The following DHX35 variants were observed in gnomAD, a reference collection of about 807,000 sequenced individuals.
DHX35 encodes the protein probable ATP-dependent RNA helicase DHX35.
DHX35 carries 84 observed loss-of-function variants against 99.6 expected under a neutral mutation model. That is an observed-to-expected ratio of 0.84 (90% CI 0.71 to 1.01). DHX35 has a LOEUF of 1.01. DHX35 is among the 50% of genes least tolerant of loss of function. DHX35 has a pLI of 0.00. For missense variants in DHX35, 852 were observed against 888.5 expected, an observed-to-expected ratio of 0.96 and a Z score of 0.52; for synonymous variants, 331 against 316.2, an observed-to-expected ratio of 1.05 and a Z score of -0.50.
chr20:38,981,970 A>G (rs1373553654), intron 3 of DHX35, among the ~76,000 whole-genome samples: 1 of 150,974 alleles, frequency 6.6e-6, no homozygotes, highest in Non-Finnish European at 1.5e-5. Flanking sequence ...AAAAGAAATC[A>G]TGATCCGGAT....
intron 14 of DHX35, among the ~76,000 whole-genome samples, chr20:39,016,531 CCATT>C (rs2086788115): frequency 6.6e-6 from 1 of 152,128 alleles, no homozygotes; most frequent in Non-Finnish European, 1.5e-5. Context: ...TATTTTTTAT[CCATT>C]CATTAGTTGA....
intron 20 of DHX35, among the ~76,000 whole-genome samples, chr20:39,032,689 C>T (rs958846006): frequency 2.0e-5 from 3 of 152,150 alleles, no homozygotes; most frequent in African/African-American, 4.8e-5. Context: ...GAAACTTGTA[C>T]GAAATGCAGC....
chr20:39,004,259 G>A (rs1332589599), intron 11 of DHX35, among the ~76,000 whole-genome samples: 2 of 152,160 alleles, frequency 1.3e-5, no homozygotes, highest in South Asian at 2.1e-4. Context: ...TAGAGACGGG[G>A]TTTCACTAAG....
chr20:39,006,545 A>T (rs1270927799), intron 12 of DHX35, among the ~76,000 whole-genome samples, 189 bp downstream of exon 12: 1 of 152,136 alleles, frequency 6.6e-6, no homozygotes, highest in Admixed American at 6.5e-5. Context: ...ACTAGTCCCC[A>T]TTGGCCAAAG....
Position 39,010,388 on chromosome 20 carries a change from G to T in DHX35, c.1331G>T (p.Arg444Met), listed in dbSNP as rs1469815572. 4 of 1,614,040 alleles carry T rather than the reference G, an allele frequency of 2.5e-6. No individual in the cohort carries two copies. Among genetic ancestry groups the T allele is most frequent in the Non-Finnish European group, 3.4e-6 (4 of 1,180,012 alleles). Reference sequence around the variant, plus strand: ...GCACTAGGAATTGACAATGTCCTCAGGTTCCACTTCATGTCGGTAAGTCCT... The same window carrying T: ...GCACTAGGAATTGACAATGTCCTCATGTTCCACTTCATGTCGGTAAGTCCT... Reference protein sequence around the residue: ...LKALGIDNVLRFHFMSPPPAQ... With the variant: ...LKALGIDNVLMFHFMSPPPAQ... Residue 444 changes from arginine (R) to methionine (M), a missense_variant, in exon 13 of 22, where the codon AGG (arginine) becomes ATG (methionine). Transcript: ENST00000252011.
At chr20:39,028,545 C>G in intron 19 of DHX35, 46 bp downstream of exon 19, 1 of 1,579,866 alleles carries the variant, frequency 6.3e-7, no homozygotes, top group Non-Finnish European at 8.7e-7. Context: ...AACAATCTTA[C>G]AAATGACCCA....
At chr20:38,966,690 A>C (rs1160039192) in intron 1 of DHX35, among the ~76,000 whole-genome samples, 4 of 152,186 alleles carry the variant, frequency 2.6e-5, no homozygotes, top group Non-Finnish European at 5.9e-5. Context: ...ATAATAGAAG[A>C]GATAGATTGG....
At chr20:38,986,646 A>G (rs866932266) in intron 4 of DHX35, among the ~76,000 whole-genome samples, 4 of 152,174 alleles carry the variant, frequency 2.6e-5, no homozygotes, top group Admixed American at 6.5e-5. Context: ...ATATTCTGAG[A>G]TTTATAATAT....
chr20:38,978,217 C>A, intron 3 of DHX35: 1 of 1,027,394 alleles, frequency 9.7e-7, no homozygotes, highest in Admixed American at 1.7e-5. Flanking sequence ...AATTGGACTG[C>A]CTTCGTAATT....
rs372370618 is a variant in DHX35, at chr20:39,006,327, G to A, written c.1193G>A (p.Arg398His). 1.2e-5 allele frequency: 19 copies of A among 1,613,990 alleles called. No homozygotes were observed. The highest frequency in any genetic ancestry group is 9.3e-5 in the African/African-American group (7 of 74,904). ...CGAGCAGGACGTGGTGGTCGTAGTCGCTCGGGAAAATGTTATCGCCTTTAT... is the reference window on the plus strand; with the variant it reads ...CGAGCAGGACGTGGTGGTCGTAGTCACTCGGGAAAATGTTATCGCCTTTAT... ...NQRAGRGGRS[R>H]SGKCYRLYTE... Residue 398 changes from arginine (R) to histidine (H), a missense_variant, in exon 12 of 22, where the codon CGC becomes CAC. By Grantham distance (29) the Arg-to-His change is conservative. Coordinates refer to ENST00000252011, the MANE Select transcript of DHX35 (RefSeq NM_021931.4).
At chr20:38,992,750 A>C (rs542553958) in intron 7 of DHX35, among the ~76,000 whole-genome samples, 2 of 152,242 alleles carry the variant, frequency 1.3e-5, no homozygotes, top group East Asian at 3.9e-4. Flanking sequence ...GTGTCATTTA[A>C]ATATTCTCTG....
chr20:39,018,452 G>A (rs1292053965), intron 14 of DHX35, among the ~76,000 whole-genome samples: 1 of 151,960 alleles, frequency 6.6e-6, no homozygotes, highest in Non-Finnish European at 1.5e-5. Flanking sequence ...TAGGTTCTTG[G>A]GAAGAGTGGT....
intron 8 of DHX35, among the ~76,000 whole-genome samples, chr20:38,997,523 A>G (rs2086449835): frequency 6.6e-6 from 1 of 152,224 alleles, no homozygotes; most frequent in African/African-American, 2.4e-5. Flanking sequence ...GCGGGAAGAC[A>G]GCATGTAGGA....
Position 39,025,941 on chromosome 20 carries a change from G to A in DHX35, c.1801+582G>A, listed in dbSNP as rs188489869. On this transcript the variant is annotated intron_variant, in intron 18 of 21. Coordinates refer to ENST00000252011, the MANE Select transcript of DHX35 (RefSeq NM_021931.4). Reference sequence around the variant, plus strand: ...TCGCACTCTGTGAGGTGTCGGTAATGTTATCCTCATTTTACAATTAGTCGT... The same window carrying A: ...TCGCACTCTGTGAGGTGTCGGTAATATTATCCTCATTTTACAATTAGTCGT... Among the ~76,000 whole-genome samples, 468 of 152,282 alleles carry A rather than the reference G, an allele frequency of 3.1e-3. 2 individuals carry two copies. The highest frequency in any genetic ancestry group is 0.011 in the African/African-American group (445 of 41,550).
At chr20:39,003,983 C>A in intron 11 of DHX35, 76 bp downstream of exon 11, 1 of 1,539,846 alleles carries the variant, frequency 6.5e-7, no homozygotes, top group Non-Finnish European at 8.9e-7. Context: ...TGTTTTGAAA[C>A]TTGCTAAACA....
chr20:38,978,956 C>T (rs1568719754), intron 3 of DHX35, among the ~76,000 whole-genome samples: 1 of 152,148 alleles, frequency 6.6e-6, no homozygotes, highest in Non-Finnish European at 1.5e-5. Context: ...ATTGTCCTTT[C>T]CCTAAGATGT....
rs1300785822 is a variant in DHX35 at position 39,025,117 on chromosome 20, A to G, written c.1672-113A>G. ...AAAAAGGGCCAGTTCCCATCTTTAGATCTTATGCCGTTGAACAGCACATGG... is the reference window on the plus strand; with the variant it reads ...AAAAAGGGCCAGTTCCCATCTTTAGGTCTTATGCCGTTGAACAGCACATGG... On this transcript the variant is annotated intron_variant, in intron 17 of 21. Coordinates refer to ENST00000252011, the MANE Select transcript of DHX35 (RefSeq NM_021931.4). 3 of 1,280,558 alleles carry G rather than the reference A, an allele frequency of 2.3e-6. No individual in the cohort carries two copies. In the East Asian group the frequency reaches 7.5e-5, roughly 32 times the overall value. 79.3% of individuals were successfully genotyped at this position (1,280,558 alleles called of 1,614,324 possible). A position where few individuals can be genotyped will look rare whatever the true frequency, so the allele number is the denominator to read the frequency against.
At chr20:39,029,866 T>C (rs2145944119) in intron 19 of DHX35, 1 of 152,266 alleles carries the variant, frequency 6.6e-6, no homozygotes, top group Non-Finnish European at 1.5e-5. Flanking sequence ...TTTATTACAA[T>C]GCCGACGAGG....
intron 12 of DHX35, among the ~76,000 whole-genome samples, chr20:39,008,033 T>G (rs2086646599): frequency 6.6e-6 from 1 of 152,264 alleles, no homozygotes; most frequent in East Asian, 1.9e-4. Flanking sequence ...CCTTATGCTT[T>G]AAGCAGTTTC....
Sources: allele counts gnomAD v4.1 joint callset (sites outside exome capture counted in the v4.1 genomes callset), GRCh38; gene constraint gnomAD v4.1.1; transcripts MANE v1.5; gene names NCBI Gene and HGNC (gene_info 2026-07-23, HGNC 2026-07-21).